The following RASAL1 variants were observed in gnomAD, a reference collection of about 807,000 sequenced individuals.
RASAL1 encodes the protein rasGAP-activating-like protein 1.
In RASAL1, 72 loss-of-function variants were observed where a neutral mutation model predicts 96.6. That is an observed-to-expected ratio of 0.75 (90% CI 0.62 to 0.91). The LOEUF (loss-of-function observed/expected upper bound fraction) is 0.91, where lower values mean the gene tolerates loss of function less well. Ranked by LOEUF, RASAL1 falls within the 40% of genes least tolerant of loss-of-function variation. RASAL1 has a pLI of 0.00. For synonymous variants in RASAL1, 405 were observed against 430.4 expected (o/e 0.94, Z 0.73); for missense variants, 1,016 against 1,072.5 (o/e 0.95, Z 0.74).
At position 113,108,081 on chromosome 12, in the gene RASAL1, G is replaced by T. The variant is rs1244963162; in HGVS notation, c.1512+4C>A. 11 of 1,608,278 alleles carry T rather than the reference G, an allele frequency of 6.8e-6. No homozygotes were observed. Among genetic ancestry groups the T allele is most frequent in the African/African-American group, 1.3e-5 (1 of 74,768 alleles). On this transcript the variant is annotated splice_donor_region_variant and intron_variant, in intron 14 of 20. Transcript: ENST00000548055. Reference sequence around the variant, plus strand: ...CTAGGATGGGGGAAACCCATGGCTGGCACCTTGGCAAGCAACAGCAGTGAG... The same window carrying T: ...CTAGGATGGGGGAAACCCATGGCTGTCACCTTGGCAAGCAACAGCAGTGAG...
At chr12:113,102,031 C>G in intron 18 of RASAL1, 22 bp from the exon 19 acceptor site, 1 of 1,608,056 alleles carries the variant, frequency 6.2e-7, no homozygotes, top group Non-Finnish European at 8.5e-7. Flanking sequence ...CAGCTTCATT[C>G]ATCAGTAACT....
At position 113,135,368 on chromosome 12, in the gene RASAL1, C is replaced by A; in HGVS notation, c.65+30G>T. On this transcript the variant is annotated intron_variant, in intron 1 of 20. Transcript: ENST00000548055. The surrounding 1 kb of genome is among the most constrained non-coding windows in gnomAD (Gnocchi z 5.7). ...GCCCCACCCCAGGCCTTGCGCGCCCCTCACCCAGAAGCGCCCGAGGAGTAC... is the reference window on the plus strand; with the variant it reads ...GCCCCACCCCAGGCCTTGCGCGCCCATCACCCAGAAGCGCCCGAGGAGTAC... 1 of 1,595,768 alleles carries A rather than the reference C, an allele frequency of 6.3e-7. No homozygotes were observed. Among genetic ancestry groups the A allele is most frequent in the East Asian group, 2.3e-5 (1 of 43,550 alleles).
Position 113,115,744 on chromosome 12 carries a change from C to T in RASAL1, c.894G>A (p.Leu298=). Residue 298 remains leucine, a synonymous_variant, in exon 10 of 21, where the codon TTG becomes TTA. Coordinates refer to ENST00000548055, the MANE Select transcript of RASAL1 (RefSeq NM_001301202.2). The surrounding 1 kb of genome is among the most constrained non-coding windows in gnomAD (Gnocchi z 4.1). The stretch of plus-strand genomic sequence containing the variant: ...TGGCAAGGTCCTGGCGGCAGTCCCC[C>T]AAGGTCAGCTCTTCCAGCAAAGCCA... ...SPLALLEELT[L]GDCRQDLATK... 1 of 1,614,174 alleles carries T rather than the reference C, an allele frequency of 6.2e-7. No homozygotes were observed. Among genetic ancestry groups the T allele is most frequent in the Non-Finnish European group, 8.5e-7 (1 of 1,180,022 alleles).
At chr12:113,114,189 T>C (rs1284875) in intron 12 of RASAL1, among the ~76,000 whole-genome samples, 117,550 of 152,072 alleles carry the variant, frequency 0.77, 45,499 homozygotes, top group Admixed American at 0.83. Flanking sequence ...AAAATCTGAT[T>C]ATGCCAGGCA....
At chr12:113,121,411 G>A in intron 5 of RASAL1, 98 bp downstream of exon 5, 1 of 1,559,694 alleles carries the variant, frequency 6.4e-7, no homozygotes, top group Non-Finnish European at 8.7e-7. Flanking sequence ...AAGTGCCCCA[G>A]GACTGAGGAG....
rs1251113150 is a variant in RASAL1, at chr12:113,115,734, G to A, written c.904C>T (p.Arg302Cys). The A allele has an allele frequency of 1.9e-5, 30 of 1,614,036 alleles. No individual in the cohort carries two copies. The highest frequency in any genetic ancestry group is 2.7e-5 in the African/African-American group (2 of 74,904). Residue 302 changes from arginine to cysteine, a missense_variant, in exon 10 of 21, where the codon CGC becomes TGC. Coordinates refer to ENST00000548055, the MANE Select transcript of RASAL1 (RefSeq NM_001301202.2). The surrounding 1 kb of genome is among the most constrained non-coding windows in gnomAD (Gnocchi z 4.1). ...LLEELTLGDC[R>C]QDLATKLVKL... ...ACCAGCTTGGTGGCAAGGTCCTGGC[G>A]GCAGTCCCCCAAGGTCAGCTCTTCC...
Position 113,107,083 on chromosome 12 carries a change from C to A in RASAL1, c.1657+14G>T. 1 of 1,604,942 alleles carries A rather than the reference C, an allele frequency of 6.2e-7. No individual in the cohort carries two copies. The highest frequency in any genetic ancestry group is 1.1e-5 in the South Asian group (1 of 89,242). ...GGCTGAGAAGCCAGATGTGGCCGGA[C>A]CACAGGAACTCACCTTCATCCCCAT... On this transcript the variant is annotated intron_variant, in intron 15 of 20. Transcript: ENST00000548055.
intron 19 of RASAL1, 76 bp downstream of exon 19, chr12:113,101,812 TG>T: frequency 6.6e-7 from 1 of 1,524,130 alleles, no homozygotes; most frequent in Non-Finnish European, 8.8e-7. Context: ...AATGAATAAA[TG>T]GACACAGCAA....
At chr12:113,128,277 C>T in intron 2 of RASAL1, 99 bp from the exon 3 acceptor site, 3 of 699,508 alleles carry the variant, frequency 4.3e-6, no homozygotes, top group South Asian at 3.4e-5. Context: ...CACACACACA[C>T]ACACGGGAAT....
At position 113,115,567 on chromosome 12, in the gene RASAL1, T is replaced by C; in HGVS notation, c.1003+68A>G. ...CCTCTGCCTGAGGCCTCCCCATTCC[T>C]CCCCCAGGACCCTCCTGCAAGCCCA... On this transcript the variant is annotated intron_variant, in intron 10 of 20. Transcript: ENST00000548055. The surrounding 1 kb of genome is among the most constrained non-coding windows in gnomAD (Gnocchi z 4.1). The C allele has an allele frequency of 2.6e-6, 4 of 1,558,788 alleles. No individual in the cohort carries two copies. Among genetic ancestry groups the C allele is most frequent in the Admixed American group, 1.9e-5 (1 of 52,954 alleles).
rs199799964 is a variant in RASAL1 at position 113,119,191 on chromosome 12, C to G, written c.579G>C (p.Pro193=). 1 of 1,614,020 alleles carries G rather than the reference C, an allele frequency of 6.2e-7. No individual in the cohort carries two copies. ...VLELREMPGA[P]SPLRVELWDW... is the part of the protein sequence containing the mutation. ...CCCAGAGCTCCACCCGCAGTGGGGA[C>G]GGGGCACCTGGCATCTCCCGCAGCT... Residue 193 remains proline (P), a synonymous_variant, in exon 7 of 21, where the codon CCG becomes CCC. Coordinates refer to ENST00000548055, the MANE Select transcript of RASAL1 (RefSeq NM_001301202.2).
Position 113,106,521 on chromosome 12 carries a change from G to A in RASAL1, c.1657+576C>T, listed in dbSNP as rs540432542. On this transcript the variant is annotated intron_variant, in intron 15 of 20. Transcript: ENST00000548055. ...CTGCCCCCAGTTCACTCTTCTTCAC[G>A]GGTGTCCTCAGTGCTGCTCTGTGTC... is the stretch of plus-strand genomic sequence containing the variant. 1.3e-3 allele frequency among the ~76,000 whole-genome samples: 193 copies of A among 152,248 alleles called. 1 individual carries two copies. Among genetic ancestry groups the A allele is most frequent in the South Asian group, 5.8e-3 (28 of 4,818 alleles).
intron 2 of RASAL1, among the ~76,000 whole-genome samples, chr12:113,128,537 C>T (rs1951581482): frequency 6.6e-6 from 1 of 151,182 alleles, no homozygotes; most frequent in Non-Finnish European, 1.5e-5. Context: ...AAAACACACA[C>T]ATGATCCTAC....
rs753177766 is a variant in RASAL1 at position 113,105,780 on chromosome 12, G to A, written c.1764C>T (p.Ala588=). 1 of 1,614,182 alleles carries A rather than the reference G, an allele frequency of 6.2e-7. No homozygotes were observed. The highest frequency in any genetic ancestry group is 8.5e-7 in the Non-Finnish European group (1 of 1,180,004). The part of the protein sequence containing the change: ...EEPAGLATRF[A]FKKRYVWLSG... Reference sequence around the variant, plus strand: ...TGAGCCAGACGTAGCGCTTCTTGAAGGCAAAGCGCGTGGCCAGGCCGGCAG... The same window carrying A: ...TGAGCCAGACGTAGCGCTTCTTGAAAGCAAAGCGCGTGGCCAGGCCGGCAG... Residue 588 remains alanine, a synonymous_variant, in exon 16 of 21, where the codon GCC becomes GCT. Transcript: ENST00000548055.
At chr12:113,123,860 C>T (rs1262602309) in intron 4 of RASAL1, among the ~76,000 whole-genome samples, 2 of 151,812 alleles carry the variant, frequency 1.3e-5, no homozygotes, top group African/African-American at 2.4e-5. Context: ...TGGGATTACA[C>T]ACGTGAGCTA....
rs766530293 is a variant in RASAL1, at chr12:113,101,994, C to T, written c.2120G>A (p.Arg707His). The T allele has an allele frequency of 1.5e-5, 24 of 1,613,410 alleles. No homozygotes were observed. The highest frequency in any genetic ancestry group is 1.5e-5 in the Non-Finnish European group (18 of 1,179,720). ...QAERSAAGCS[R>H]THSAVTLGDW... ...CCCCAGGGTGACAGCTGAGTGTGTACGGCTGCAGCCGGCGGCTGAGGGAAC... is the reference window on the plus strand; with the variant it reads ...CCCCAGGGTGACAGCTGAGTGTGTATGGCTGCAGCCGGCGGCTGAGGGAAC... Residue 707 changes from arginine to histidine, a missense_variant, in exon 19 of 21, where the codon CGT (arginine) becomes CAT (histidine). Transcript: ENST00000548055.
At chr12:113,109,128 G>A (rs117091084) in intron 13 of RASAL1, among the ~76,000 whole-genome samples, 16,542 of 149,202 alleles carry the variant, frequency 0.11, 1,106 homozygotes, top group Middle Eastern at 0.19. Flanking sequence ...TGATCCAGCC[G>A]CCTCAGCCTC....
intron 18 of RASAL1, among the ~76,000 whole-genome samples, 190 bp from the exon 19 acceptor site, chr12:113,102,199 C>T (rs564394170): frequency 1.8e-3 from 268 of 151,916 alleles, no homozygotes; most frequent in Non-Finnish European, 3.2e-3. Flanking sequence ...GAGGATCACT[C>T]GAGCCCAAGA....
rs752107350 is a variant in RASAL1, at chr12:113,115,284, T to A, written c.1004-20A>T. 6.2e-7 allele frequency: 1 copy of A among 1,607,908 alleles called. No homozygotes were observed. The highest frequency in any genetic ancestry group is 1.1e-5 in the South Asian group (1 of 90,960). ...GGTCCACTGGGAGGACAGGAGGAAG[T>A]GTTTGCTGGGATTTAGGGAGCTGAA... On this transcript the variant is annotated intron_variant, in intron 10 of 20. Coordinates refer to ENST00000548055, the MANE Select transcript of RASAL1 (RefSeq NM_001301202.2). This position sits in a 1 kb window ranked among gnomAD's most constrained non-coding sequence, Gnocchi z 4.1.
Sources: gnomAD v4.1 joint callset for allele counts (sites outside exome capture counted in the v4.1 genomes callset) on GRCh38, gnomAD v4.1.1 for gene constraint, Gnocchi (gnomAD v3.1) non-coding constraint, MANE v1.5 for transcripts, NCBI Gene and HGNC (gene_info 2026-07-23, HGNC 2026-07-21) for gene names.